The following ITGA2 variants were observed in gnomAD, a reference collection of about 807,000 sequenced individuals.
The protein encoded by ITGA2 is integrin alpha-2.
ITGA2 carries 101 observed loss-of-function variants against 146.3 expected under a neutral mutation model. The ratio of observed to expected loss-of-function variants is 0.69; its 90% CI spans 0.59 to 0.81. ITGA2 has a LOEUF of 0.81. ITGA2 is among the 40% of genes least tolerant of loss of function. The pLI is 0.00. For synonymous variants in ITGA2, 477 were observed against 487.1 expected (o/e 0.98, Z 0.27); for missense variants, 1,281 against 1,402.7 (o/e 0.91, Z 1.39).
Position 53,060,889 on chromosome 5 carries a change from C to T in ITGA2, c.1313-12C>T. 6.2e-7 allele frequency: 1 copy of T among 1,611,858 alleles called. No individual in the cohort carries two copies. Among genetic ancestry groups the T allele is most frequent in the East Asian group, 2.2e-5 (1 of 44,810 alleles). ...GTCAATGTTAATCACTCTGTTGCTC[C>T]TTCCCTTTTAGGTTACTCTGTGGCT... On this transcript the variant is annotated splice_polypyrimidine_tract_variant and intron_variant, in intron 11 of 29. Coordinates refer to ENST00000296585, the MANE Select transcript of ITGA2 (RefSeq NM_002203.4).
At position 53,013,557 on chromosome 5, in the gene ITGA2, G is replaced by C. The variant is rs153143; in HGVS notation, c.65-13191G>C. Among the ~76,000 whole-genome samples, 97 of 152,030 alleles carry C rather than the reference G, an allele frequency of 6.4e-4. 1 individual carries two copies. In the East Asian group the frequency reaches 0.018, roughly 28 times the overall value. ...TGGATAATATGATGCCTCTAACTTT[G>C]TTCTCTTTGCTTAGATTGTTTTTGC... On this transcript the variant is annotated intron_variant, in intron 1 of 29. Coordinates refer to ENST00000296585, the MANE Select transcript of ITGA2 (RefSeq NM_002203.4).
At chr5:53,081,784 C>T in intron 26 of ITGA2, 88 bp downstream of exon 26, 4 of 866,508 alleles carry the variant, frequency 4.6e-6, no homozygotes, top group African/African-American at 1.7e-5. Context: ...CAGCTGATAT[C>T]ATAGAGCTTT....
chr5:53,085,962 G>A (rs1271714259), intron 27 of ITGA2, among the ~76,000 whole-genome samples: 1 of 152,070 alleles, frequency 6.6e-6, no homozygotes, highest in Non-Finnish European at 1.5e-5. Flanking sequence ...AGGCTGGAGT[G>A]CAGTGGCTTG....
In ITGA2 at chr5:53,080,542, C is replaced by T. The variant is rs748213987; in HGVS notation, c.2960C>T (p.Ala987Val). The change falls in exon 25 of 30, where the codon GCA becomes GTA. Residue 987 changes from alanine to valine, a missense_variant. Around this residue, in one of 3 missense-constraint regions of ITGA2, gnomAD observed 475 missense variants for 530.5 expected, o/e 0.90. Coordinates refer to ENST00000296585, the MANE Select transcript of ITGA2 (RefSeq NM_002203.4). ...VTTGSVPVSM[A>V]TVIIHIPQYT... ...ACAGGAAGTGTTCCAGTAAGCATGG[C>T]AACTGTAATCATCCACATCCCTCAG... The T allele has an allele frequency of 5.0e-6, 8 of 1,613,458 alleles. No homozygotes were observed. Among genetic ancestry groups the T allele is most frequent in the Non-Finnish European group, 6.8e-6 (8 of 1,179,652 alleles).
At chr5:53,013,663 G>C (rs67835512) in intron 1 of ITGA2, among the ~76,000 whole-genome samples, 20,054 of 152,036 alleles carry the variant, frequency 0.13, 1,358 homozygotes, top group South Asian at 0.15. Flanking sequence ...TAGTTTGATA[G>C]GAATAGCATT....
At chr5:53,051,324 T>C in intron 6 of ITGA2, 87 bp from the exon 7 acceptor site, 1 of 1,404,712 alleles carries the variant, frequency 7.1e-7, no homozygotes, top group East Asian at 2.4e-5. Context: ...CATGTCTAAA[T>C]GTACTTTTGA....
chr5:53,074,597 C>T, intron 21 of ITGA2, 120 bp downstream of exon 21: 1 of 789,824 alleles, frequency 1.3e-6, no homozygotes, highest in Middle Eastern at 2.2e-4. Context: ...TAGCTGCATA[C>T]TTAGGGGAAG....
chr5:53,050,815 G>A (rs1004198157), intron 6 of ITGA2, among the ~76,000 whole-genome samples: 5 of 152,164 alleles, frequency 3.3e-5, no homozygotes, highest in Non-Finnish European at 5.9e-5. Context: ...CTGAAAGCCA[G>A]AAACTCCCTG....
chr5:53,034,240 C>G (rs1295947695), intron 2 of ITGA2, among the ~76,000 whole-genome samples: 1 of 151,942 alleles, frequency 6.6e-6, no homozygotes, highest in African/African-American at 2.4e-5. Flanking sequence ...TTTATAAATA[C>G]TTATTATGCT....
intron 19 of ITGA2, 21 bp from the exon 20 acceptor site, chr5:53,073,097 C>G (rs529185082): frequency 2.5e-6 from 4 of 1,610,342 alleles, no homozygotes; most frequent in South Asian, 1.1e-5. Flanking sequence ...GCTTTTCCCC[C>G]CTCCTTTTTA....
At chr5:53,043,006 C>G (rs1743878835) in intron 3 of ITGA2, among the ~76,000 whole-genome samples, 1 of 151,980 alleles carries the variant, frequency 6.6e-6, no homozygotes, top group South Asian at 2.1e-4. Flanking sequence ...CTCTGTAGAC[C>G]TAATATCTAG....
chr5:53,092,737 G>A lies in ITGA2; in HGVS notation c.*2138G>A, dbSNP rs1208820304. The A allele has an allele frequency of 1.3e-5, 2 of 152,140 alleles. No individual in the cohort carries two copies. The highest frequency in any genetic ancestry group is 2.4e-5 in the African/African-American group (1 of 41,404). 9.4% of individuals were successfully genotyped at this position (152,140 alleles called of 1,614,324 possible). A position where few individuals can be genotyped will look rare whatever the true frequency, so the allele number is the denominator to read the frequency against. ...TCCAGCTACTTGAGAGACTGAGACA[G>A]GAAGATCGCTTGAGCCCAGGAGTTC... On this transcript the variant is annotated 3_prime_UTR_variant, in exon 30 of 30. Coordinates refer to ENST00000296585, the MANE Select transcript of ITGA2 (RefSeq NM_002203.4).
chr5:52,989,775 A>G (rs1357947209), intron 1 of ITGA2, among the ~76,000 whole-genome samples: 2 of 151,538 alleles, frequency 1.3e-5, no homozygotes, highest in East Asian at 2.0e-4. Flanking sequence ...GCACCCTCCA[A>G]AGTCATCTCA....
chr5:53,033,047 C>T (rs1459316119), intron 2 of ITGA2, among the ~76,000 whole-genome samples: 1 of 152,134 alleles, frequency 6.6e-6, no homozygotes, highest in African/African-American at 2.4e-5. Context: ...GCGGGCGGAT[C>T]ACTTGAGGTC....
chr5:53,076,937 C>A (rs1455433249), intron 23 of ITGA2, among the ~76,000 whole-genome samples: 3 of 151,984 alleles, frequency 2.0e-5, no homozygotes. Context: ...TCATCCCTCC[C>A]CACCTTCCCT....
At chr5:53,018,160 G>A (rs1579804759) in intron 1 of ITGA2, among the ~76,000 whole-genome samples, 1 of 152,164 alleles carries the variant, frequency 6.6e-6, no homozygotes, top group Non-Finnish European at 1.5e-5. Context: ...GGGCAAGACT[G>A]CCCTGCTCTG....
intron 2 of ITGA2, among the ~76,000 whole-genome samples, chr5:53,037,596 T>A (rs1181417741): frequency 6.6e-6 from 1 of 152,196 alleles, no homozygotes; most frequent in Non-Finnish European, 1.5e-5. Context: ...TGTCCTAGCC[T>A]CTTCTTATGA....
At chr5:53,006,241 A>T (rs1360396189) in intron 1 of ITGA2, among the ~76,000 whole-genome samples, 1 of 152,162 alleles carries the variant, frequency 6.6e-6, no homozygotes, top group Non-Finnish European at 1.5e-5. Context: ...CAGTTGTGAA[A>T]TTTTTTAAAA....
intron 26 of ITGA2, 24 bp from the exon 27 acceptor site, chr5:53,083,316 T>G: frequency 7.0e-7 from 1 of 1,430,880 alleles, no homozygotes; most frequent in Non-Finnish European, 9.9e-7. Context: ...GCTCTCTCTT[T>G]TACCTTTGAC....
Sources: allele counts gnomAD v4.1 joint callset (sites outside exome capture counted in the v4.1 genomes callset), GRCh38; gene constraint gnomAD v4.1.1; regional missense constraint gnomAD v4.1.1; transcripts MANE v1.5; gene names NCBI Gene and HGNC (gene_info 2026-07-23, HGNC 2026-07-21).